The following PHRF1 variants were observed in gnomAD, a reference collection of about 807,000 sequenced individuals.
PHRF1 encodes PHD and ring finger domains 1.
PHRF1 carries 53 observed loss-of-function variants against 128.9 expected under a neutral mutation model. The ratio of observed to expected loss-of-function variants is 0.41; its 90% CI spans 0.33 to 0.52. PHRF1 has a LOEUF of 0.52. Among genes scored for constraint, PHRF1 ranks in the 20% least tolerant of loss-of-function variants. The pLI, the probability that PHRF1 is intolerant of heterozygous loss-of-function variation, is 0.21. For synonymous variants in PHRF1, 1,178 were observed against 980.6 expected (o/e 1.20, Z -3.76); for missense variants, 2,503 against 2,284.5 (o/e 1.10, Z -1.95).
At chr11:599,230 CTTTTTCTTTTTTTTTTTCTTTTCTTT>C (rs1167764952) in intron 9 of PHRF1, among the ~76,000 whole-genome samples, 1 of 140,950 alleles carries the variant, frequency 7.1e-6, no homozygotes, top group African/African-American at 2.6e-5. Flanking sequence ...AGCATGCATA[CTTTTTCTTTTTTTTTTTCTTTTCTTT>C]TTTTTTTTTT....
At position 612,157 on chromosome 11, in the gene PHRF1, T is replaced by A. The variant is rs1856449407; in HGVS notation, c.*380T>A. On this transcript the variant is annotated 3_prime_UTR_variant, in exon 18 of 18. Coordinates refer to ENST00000264555, the MANE Select transcript of PHRF1 (RefSeq NM_001286581.2). The stretch of plus-strand genomic sequence containing the variant: ...GTCCTTGATAAATCTCTAGGTGGCC[T>A]CCCGCCAACAGCTGCTGTGTACCTT... The A allele has an allele frequency of 9.4e-6, 3 of 319,738 alleles. No homozygotes were observed. The highest frequency in any genetic ancestry group is 1.7e-5 in the Non-Finnish European group (3 of 172,032). 19.8% of individuals were successfully genotyped at this position (319,738 alleles called of 1,614,324 possible).
At chr11:588,129 C>T (rs1163760249) in intron 4 of PHRF1, among the ~76,000 whole-genome samples, 9 of 152,142 alleles carry the variant, frequency 5.9e-5, no homozygotes, top group Admixed American at 2.0e-4. Flanking sequence ...ACCAGCAGCC[C>T]GTGCTGTCCC....
At position 596,953 on chromosome 11, in the gene PHRF1, C is replaced by T; in HGVS notation, c.651C>T (p.Leu217=). 12 of 1,613,924 alleles carry T rather than the reference C, an allele frequency of 7.4e-6. No homozygotes were observed. The highest frequency in any genetic ancestry group is 9.3e-6 in the Non-Finnish European group (11 of 1,179,876). Residue 217 remains leucine (L), a synonymous_variant, in exon 7 of 18, where the codon CTC becomes CTT. Transcript: ENST00000264555. ...GYHMECLDPP[L]QEVPVDEWFC... ...ACATGGAATGCTTGGACCCCCCTCT[C>T]CAGGAGGTGCCGGTGGACGAGTGGT... is the stretch of plus-strand genomic sequence containing the variant.
At chr11:605,513 C>A in intron 11 of PHRF1, 92 bp from the exon 12 acceptor site, 1 of 1,549,400 alleles carries the variant, frequency 6.5e-7, no homozygotes, top group Admixed American at 1.9e-5. Flanking sequence ...ATGGCCAGTG[C>A]TCGGCCATCC....
Position 608,988 on chromosome 11 carries a change from C to T in PHRF1, c.3532C>T (p.Pro1178Ser), listed in dbSNP as rs746365497. ...SEHRAREHRR[P>S]RSREKWPQTR... ...GCACAGGGCACGGGAGCACAGGCGG[C>T]CTCGGTCCCGTGAGAAGTGGCCGCA... Residue 1178 changes from proline (P) to serine (S), a missense_variant, in exon 14 of 18, where the codon CCT becomes TCT. By Grantham distance (74) the Pro-to-Ser change is moderately conservative. Coordinates refer to ENST00000264555, the MANE Select transcript of PHRF1 (RefSeq NM_001286581.2). 3.1e-6 allele frequency: 5 copies of T among 1,605,658 alleles called. No homozygotes were observed. Among genetic ancestry groups the T allele is most frequent in the South Asian group, 2.2e-5 (2 of 90,238 alleles).
intron 3 of PHRF1, among the ~76,000 whole-genome samples, chr11:586,805 G>T (rs1005551893): frequency 1.3e-5 from 2 of 152,076 alleles, no homozygotes; most frequent in Admixed American, 1.3e-4. Flanking sequence ...AGTCCCTTCC[G>T]CGGGCAGAGG....
intron 4 of PHRF1, 69 bp from the exon 5 acceptor site, chr11:591,315 G>A: frequency 1.5e-6 from 2 of 1,378,252 alleles, no homozygotes; most frequent in Non-Finnish European, 2.0e-6. Flanking sequence ...GATTTTCAGT[G>A]TAAAAGAATT....
chr11:608,651 TAAGAGG>T lies in PHRF1; in HGVS notation c.3200_3205del (p.Arg1067_Lys1068del), dbSNP rs1239059982. 9 of 1,612,248 alleles carry T rather than the reference TAAGAGG, an allele frequency of 5.6e-6. No individual in the cohort carries two copies. Among genetic ancestry groups the T allele is most frequent in the Non-Finnish European group, 7.6e-6 (9 of 1,179,766 alleles). On this transcript the variant is annotated inframe_deletion, in exon 14 of 18. Coordinates refer to ENST00000264555, the MANE Select transcript of PHRF1 (RefSeq NM_001286581.2). Reference sequence around the variant, plus strand: ...ACCGCTCCAGCAGCCGAGAGCGAGCTAAGAGGAAGAAAGCCAAGGACAAGAGCAGGG... The same window carrying T: ...ACCGCTCCAGCAGCCGAGAGCGAGCTAAGAAAGCCAAGGACAAGAGCAGGG...
chr11:603,035 C>T (rs1252204973), intron 10 of PHRF1, among the ~76,000 whole-genome samples: 1 of 151,986 alleles, frequency 6.6e-6, no homozygotes, highest in African/African-American at 2.4e-5. Context: ...GCTGGGATTA[C>T]AGGAGTGAGC....
At chr11:592,811 C>T (rs1216207418) in intron 6 of PHRF1, 137 bp downstream of exon 6, 11 of 890,730 alleles carry the variant, frequency 1.2e-5, no homozygotes, top group East Asian at 2.5e-5. Flanking sequence ...CTCAGCAGCG[C>T]GGTTCAGTCC....
At chr11:602,075 C>T (rs762236342) in intron 10 of PHRF1, among the ~76,000 whole-genome samples, 32 of 152,182 alleles carry the variant, frequency 2.1e-4, no homozygotes, top group Non-Finnish European at 3.1e-4. Context: ...GCAGGCCTGG[C>T]CAGCCTGGCT....
intron 3 of PHRF1, among the ~76,000 whole-genome samples, chr11:586,343 C>T (rs1020105316): frequency 6.6e-6 from 1 of 152,244 alleles, no homozygotes; most frequent in African/African-American, 2.4e-5. Context: ...AACTCTTCTG[C>T]TGCCTCCCTC....
Position 611,447 on chromosome 11 carries a change from G to A in PHRF1, c.4807-187G>A, listed in dbSNP as rs1418559329. On this transcript the variant is annotated intron_variant, in intron 17 of 17. Coordinates refer to ENST00000264555, the MANE Select transcript of PHRF1 (RefSeq NM_001286581.2). ...ACCGTGGGACCCTCAGTGGCCTTGT[G>A]AGCGGCATAGCGAACAGGACGGGGG... 5.9e-5 allele frequency among the ~76,000 whole-genome samples: 9 copies of A among 152,324 alleles called. No homozygotes were observed. The East Asian group carries it at 7.7e-4, about 13-fold the overall frequency.
At chr11:601,553 A>G (rs1216719099) in intron 9 of PHRF1, 21 bp from the exon 10 acceptor site, 13 of 1,613,400 alleles carry the variant, frequency 8.1e-6, no homozygotes, top group Non-Finnish European at 1.1e-5. Context: ...AGAAGCACAG[A>G]CTTCAACCTC....
At chr11:580,774 C>T (rs913121818) in intron 1 of PHRF1, among the ~76,000 whole-genome samples, 26 of 152,154 alleles carry the variant, frequency 1.7e-4, no homozygotes, top group African/African-American at 5.8e-4. Context: ...CTGCAACCTC[C>T]GCCTCTCAGG....
Position 610,515 on chromosome 11 carries a change from C to T in PHRF1, c.4431C>T (p.Gly1477=). The T allele has an allele frequency of 6.2e-7, 1 of 1,603,696 alleles. No homozygotes were observed. The highest frequency in any genetic ancestry group is 2.2e-5 in the East Asian group (1 of 44,788). The part of the protein sequence containing the change: ...DTDPSQVYSP[G]LPPAPAQPSS... ...GTCCCTCCCAGGTTTACAGCCCCGG[C>T]CTGCCGCCTGCCCCGGCCCAGCCCT... The change falls in exon 16 of 18, where the codon GGC becomes GGT. Residue 1477 remains glycine (G), a synonymous_variant. Coordinates refer to ENST00000264555, the MANE Select transcript of PHRF1 (RefSeq NM_001286581.2).
Position 608,857 on chromosome 11 carries a change from G to A in PHRF1, c.3401G>A (p.Arg1134Lys). ...SPTSSLERLC[R>K]HKHQRERSHE... is the part of the protein sequence containing the mutation. Reference sequence around the variant, plus strand: ...ACCAGCAGCCTGGAGAGGCTCTGCAGGCACAAGCATCAGCGGGAACGCAGC... The same window carrying A: ...ACCAGCAGCCTGGAGAGGCTCTGCAAGCACAAGCATCAGCGGGAACGCAGC... The change falls in exon 14 of 18, where the codon AGG becomes AAG. Residue 1134 changes from arginine (R) to lysine (K), a missense_variant. By Grantham distance (26) the Arg-to-Lys change is conservative. Transcript: ENST00000264555. 1.2e-6 allele frequency: 2 copies of A among 1,612,414 alleles called. No individual in the cohort carries two copies. The highest frequency in any genetic ancestry group is 1.7e-6 in the Non-Finnish European group (2 of 1,179,820).
Position 607,144 on chromosome 11 carries a change from C to T in PHRF1, c.1688C>T (p.Ala563Val). ...EGFKGCLQPR[A>V]LPSGSPAQGP... ...TTCAAGGGCTGCCTGCAGCCCCGAG[C>T]ACTGCCCTCCGGGAGCCCGGCCCAA... Residue 563 changes from alanine (A) to valine (V), a missense_variant, in exon 14 of 18, where the codon GCA becomes GTA. Physicochemically the swap from Ala to Val is moderately conservative, Grantham distance 64. Transcript: ENST00000264555. 2 of 1,612,966 alleles carry T rather than the reference C, an allele frequency of 1.2e-6. No individual in the cohort carries two copies. The highest frequency in any genetic ancestry group is 1.7e-6 in the Non-Finnish European group (2 of 1,179,726).
Position 605,718 on chromosome 11 carries a change from T to C in PHRF1, c.1448T>C (p.Leu483Pro). ...GTGGCCAGGCCCGTCTCCGTGGGGC[T>C]TTCCAGGTGTGTGAGGGCAGAGGCT... ...QPVARPVSVGLSRRRLPAAVP... is the reference protein window; with the variant it reads ...QPVARPVSVGPSRRRLPAAVP... The change falls in exon 12 of 18, where the codon CTT becomes CCT. Residue 483 changes from leucine to proline, a missense_variant. Coordinates refer to ENST00000264555, the MANE Select transcript of PHRF1 (RefSeq NM_001286581.2). 6.2e-7 allele frequency: 1 copy of C among 1,610,024 alleles called. No homozygotes were observed. The highest frequency in any genetic ancestry group is 1.3e-5 in the African/African-American group (1 of 74,996).
Sources: allele counts gnomAD v4.1 joint callset (sites outside exome capture counted in the v4.1 genomes callset), GRCh38; gene constraint gnomAD v4.1.1; transcripts MANE v1.5; gene names NCBI Gene and HGNC (gene_info 2026-07-23, HGNC 2026-07-21).